The following GRIK4 variants were observed in gnomAD, a reference collection of about 807,000 sequenced individuals.
The protein encoded by GRIK4 is glutamate ionotropic receptor kainate type subunit 4.
In GRIK4, 40 loss-of-function variants were observed where a neutral mutation model predicts 104.9. The observed-to-expected ratio is 0.38, with a 90% CI of 0.30 to 0.50. GRIK4 has a LOEUF of 0.50. GRIK4 is among the 20% of genes least tolerant of loss of function. The pLI is 0.93. For synonymous variants in GRIK4, 485 were observed against 524.9 expected, an observed-to-expected ratio of 0.92 and a Z score of 1.04; for missense variants, 1,047 against 1,308.1, an observed-to-expected ratio of 0.80 and a Z score of 3.08.
At chr11:120,784,434 A>G (rs991805283) in intron 3 of GRIK4, among the ~76,000 whole-genome samples, 1 of 151,890 alleles carries the variant, frequency 6.6e-6, no homozygotes, top group African/African-American at 2.4e-5. Flanking sequence ...CTAATCTGTC[A>G]TTTTCTCCTG....
In GRIK4 at chr11:120,982,091, A is replaced by T. The variant is rs529085271; in HGVS notation, c.2396-15A>T. On this transcript the variant is annotated splice_polypyrimidine_tract_variant and intron_variant, in intron 19 of 20. Transcript: ENST00000527524. ...TCTTTTACAATATTTTTCATTTGTT[A>T]TCACTTTCTTACAGGCCTGGGAATG... The T allele has an allele frequency of 1.3e-5, 18 of 1,425,966 alleles. No individual in the cohort carries two copies. In the South Asian group the frequency reaches 1.8e-4, roughly 15 times the overall value. The allele number at this position is 1,425,966 out of a possible 1,614,324, so 88.3% of individuals were successfully genotyped here. A position where few individuals can be genotyped will look rare whatever the true frequency, so the allele number is the denominator to read the frequency against.
At chr11:120,634,400 A>G (rs1240558383) in intron 1 of GRIK4, among the ~76,000 whole-genome samples, 2 of 151,764 alleles carry the variant, frequency 1.3e-5, no homozygotes, top group African/African-American at 4.8e-5. Flanking sequence ...CTTCTCCCAC[A>G]CCACCCCGCC....
At chr11:120,936,344 G>A in intron 13 of GRIK4, 1 of 481,740 alleles carries the variant, frequency 2.1e-6, no homozygotes, top group Non-Finnish European at 4.1e-6. Context: ...ATTCAGGAAA[G>A]AACAAGATGA....
At chr11:120,807,220 C>T (rs894817289) in intron 4 of GRIK4, among the ~76,000 whole-genome samples, 3 of 152,196 alleles carry the variant, frequency 2.0e-5, no homozygotes, top group Non-Finnish European at 4.4e-5. Flanking sequence ...CTACCACAAG[C>T]TACCTCCTCT....
intron 1 of GRIK4, among the ~76,000 whole-genome samples, chr11:120,634,010 G>T (rs185834146): frequency 6.6e-6 from 1 of 152,308 alleles, no homozygotes; most frequent in East Asian, 1.9e-4. Context: ...CCAAACGTAG[G>T]TTCAAATCCT....
chr11:120,792,332 A>G (rs777482694), intron 3 of GRIK4, among the ~76,000 whole-genome samples: 33 of 151,668 alleles, frequency 2.2e-4, no homozygotes, highest in Non-Finnish European at 1.0e-4. Context: ...GAAGCACAAT[A>G]TAAGGTTTGA....
chr11:120,898,350 C>T (rs1003914191), intron 11 of GRIK4, among the ~76,000 whole-genome samples, 182 bp from the exon 12 acceptor site: 2 of 151,704 alleles, frequency 1.3e-5, no homozygotes, highest in African/African-American at 2.4e-5. Flanking sequence ...TTACAGCCCC[C>T]GTTTCCCTCA....
chr11:120,736,994 C>A (rs919120912), intron 3 of GRIK4, among the ~76,000 whole-genome samples: 1 of 152,122 alleles, frequency 6.6e-6, no homozygotes, highest in Non-Finnish European at 1.5e-5. Flanking sequence ...TAGAAGCCAA[C>A]GTAAGAGGAT....
intron 3 of GRIK4, among the ~76,000 whole-genome samples, chr11:120,723,879 C>T (rs1180610451): frequency 2.6e-5 from 4 of 151,870 alleles, no homozygotes; most frequent in East Asian, 1.9e-4. Flanking sequence ...TGAGTGTTGA[C>T]GAATGCATGC....
chr11:120,614,795 C>T (rs1162592308), intron 1 of GRIK4, among the ~76,000 whole-genome samples: 1 of 152,090 alleles, frequency 6.6e-6, no homozygotes, highest in South Asian at 2.1e-4. Context: ...GTCAGGAGAT[C>T]GAGACCATCC....
At chr11:120,588,314 G>C (rs1214922399) in intron 1 of GRIK4, among the ~76,000 whole-genome samples, 1 of 152,144 alleles carries the variant, frequency 6.6e-6, no homozygotes, top group Non-Finnish European at 1.5e-5. Flanking sequence ...TTAGGAAGAG[G>C]TGATCATCCT....
intron 3 of GRIK4, among the ~76,000 whole-genome samples, chr11:120,763,962 G>A (rs150476363): frequency 0.01 from 1,570 of 152,206 alleles, 35 homozygotes; most frequent in African/African-American, 0.035. Flanking sequence ...TGTTAGGTTC[G>A]CTTGGTCCAG....
intron 11 of GRIK4, among the ~76,000 whole-genome samples, chr11:120,892,860 T>G (rs942011691): frequency 2.0e-5 from 3 of 152,194 alleles, no homozygotes; most frequent in African/African-American, 7.2e-5. Context: ...CTTAAAATTC[T>G]TTCAAGCTTG....
chr11:120,904,788 C>T (rs1257534995), intron 12 of GRIK4, among the ~76,000 whole-genome samples: 1 of 152,116 alleles, frequency 6.6e-6, no homozygotes, highest in Non-Finnish European at 1.5e-5. Context: ...TCCTCCAGAG[C>T]CCAGCTTGGA....
intron 6 of GRIK4, among the ~76,000 whole-genome samples, chr11:120,822,237 A>G (rs1432921099): frequency 6.9e-6 from 1 of 143,970 alleles, no homozygotes; most frequent in Non-Finnish European, 1.5e-5. Flanking sequence ...AAAAAAAAAG[A>G]CAGTAAAATG....
At chr11:120,622,386 G>A (rs1949200871) in intron 1 of GRIK4, among the ~76,000 whole-genome samples, 1 of 152,214 alleles carries the variant, frequency 6.6e-6, no homozygotes. Flanking sequence ...GGGCAGAAGT[G>A]AGACACTTAT....
intron 3 of GRIK4, among the ~76,000 whole-genome samples, chr11:120,770,957 T>C (rs148262276): frequency 1.0e-3 from 155 of 152,306 alleles, no homozygotes; most frequent in African/African-American, 3.7e-3. Flanking sequence ...AGTCACCTAG[T>C]TTATGGTATT....
At chr11:120,712,972 T>G (rs761230920) in intron 3 of GRIK4, among the ~76,000 whole-genome samples, 1 of 152,200 alleles carries the variant, frequency 6.6e-6, no homozygotes, top group Non-Finnish European at 1.5e-5. Context: ...TGACAATAAC[T>G]GGTCACAGTT....
In GRIK4 at chr11:120,671,404, G is replaced by A. The variant is rs191799226; in HGVS notation, c.82+11004G>A. On this transcript the variant is annotated intron_variant, in intron 3 of 20. Coordinates refer to ENST00000527524, the MANE Select transcript of GRIK4 (RefSeq NM_014619.5). ...TTTAATGATCGCCATTCTAACTGGCGTGAGATGATATCTCATTGTGGATTT... is the reference window on the plus strand; with the variant it reads ...TTTAATGATCGCCATTCTAACTGGCATGAGATGATATCTCATTGTGGATTT... 5.9e-3 allele frequency among the ~76,000 whole-genome samples: 903 copies of A among 152,282 alleles called. 3 individuals carry two copies. Among genetic ancestry groups the A allele is most frequent in the Non-Finnish European group, 8.8e-3 (601 of 68,030 alleles).
Sources: gnomAD v4.1 joint callset for allele counts (sites outside exome capture counted in the v4.1 genomes callset) on GRCh38, gnomAD v4.1.1 for gene constraint, MANE v1.5 for transcripts, NCBI Gene and HGNC (gene_info 2026-07-23, HGNC 2026-07-21) for gene names.